The following LMO3 variants were observed in gnomAD, a reference collection of about 807,000 sequenced individuals.
LMO3 encodes the protein LIM domain only protein 3.
Under a neutral mutation model 15.8 loss-of-function variants are expected in LMO3, and 2 were observed. The ratio of observed to expected loss-of-function variants is 0.13; its 90% confidence interval spans 0.05 to 0.40. The LOEUF (loss-of-function observed/expected upper bound fraction) is 0.40. Ranked by LOEUF, LMO3 falls within the 10% of genes least tolerant of loss-of-function variation. LMO3 has a pLI of 0.99. For missense variants in LMO3, 86 were observed against 182.2 expected (o/e 0.47, Z 3.04); for synonymous variants, 62 against 63.8 (o/e 0.97, Z 0.13).
Position 16,576,318 on chromosome 12 carries a change from G to A in LMO3, c.207-15780C>T. Among the ~76,000 whole-genome samples the A allele has an allele frequency of 6.6e-6, 1 of 152,096 alleles. No individual in the cohort carries two copies. The highest frequency in any genetic ancestry group is 2.1e-4 in the South Asian group (1 of 4,816). ...CTTTTCTGTCTTCTATCCCATCACTGAGCCTCAGCCCCAATGTGCTGTCTA... is the reference window on the plus strand; with the variant it reads ...CTTTTCTGTCTTCTATCCCATCACTAAGCCTCAGCCCCAATGTGCTGTCTA... On this transcript the variant is annotated intron_variant, in intron 2 of 3. Transcript: ENST00000537304. The surrounding 1 kb of genome is among the most constrained non-coding windows in gnomAD (Gnocchi z 4.1).
At chr12:16,607,002 A>G (rs1229829570), upstream of LMO3, 1 of 152,266 alleles carries the variant, frequency 6.6e-6, no homozygotes, top group Non-Finnish European at 1.5e-5. Flanking sequence ...AACTGCTACC[A>G]GAATACCCTG....
chr12:16,590,277 G>A (rs1477605978), intron 2 of LMO3, among the ~76,000 whole-genome samples: 1 of 152,044 alleles, frequency 6.6e-6, no homozygotes, highest in Non-Finnish European at 1.5e-5. Flanking sequence ...GGTTAGGTTA[G>A]TGGTGAGAAA....
intron 2 of LMO3, among the ~76,000 whole-genome samples, chr12:16,567,038 T>C (rs1266211142): frequency 6.6e-6 from 1 of 152,052 alleles, no homozygotes; most frequent in Non-Finnish European, 1.5e-5. Context: ...CTACTAAAAA[T>C]ATGAAAAATT....
chr12:16,590,450 C>G (rs552670078), intron 2 of LMO3, among the ~76,000 whole-genome samples: 5 of 151,756 alleles, frequency 3.3e-5, no homozygotes, highest in Non-Finnish European at 7.4e-5. Context: ...TGTTTTGTAA[C>G]TATAAGATAA....
chr12:16,563,785 A>G (rs2137361651), intron 2 of LMO3, among the ~76,000 whole-genome samples: 1 of 152,314 alleles, frequency 6.6e-6, no homozygotes, highest in African/African-American at 2.4e-5. Flanking sequence ...AGTCATTTTG[A>G]AATTTTGATC....
At chr12:16,606,001 C>T in intron 1 of LMO3, 65 bp downstream of exon 1, 1 of 616,368 alleles carries the variant, frequency 1.6e-6, no homozygotes, top group Admixed American at 2.8e-5. Context: ...CACACGCACG[C>T]GCGCACCCGC....
rs1320674658 is a variant in LMO3, at chr12:16,550,650, T to A, written c.*572A>T. On this transcript the variant is annotated 3_prime_UTR_variant, in exon 4 of 4. Transcript: ENST00000537304. ...ACTCATAGCGGCAATAAGTAGTGGA[T>A]GTCACTAAAATGCTCTGTGTGTGTC... 1 of 152,374 alleles carries A rather than the reference T, an allele frequency of 6.6e-6. No homozygotes were observed. Among genetic ancestry groups the A allele is most frequent in the Non-Finnish European group, 1.5e-5 (1 of 67,926 alleles). The allele number at this position is 152,374 out of a possible 1,614,324, so 9.4% of individuals were successfully genotyped here.
In LMO3 at chr12:16,576,585, G is replaced by A. The variant is rs139805339; in HGVS notation, c.207-16047C>T. 1.2e-3 allele frequency among the ~76,000 whole-genome samples: 178 copies of A among 152,132 alleles called. 1 individual carries two copies. The Middle Eastern group carries it at 0.014, about 12-fold the overall frequency. ...ATCTTTCAGAATCTGTATCAGTTAC[G>A]TACCTGTTTGTCTCTTTCTCACTAC... On this transcript the variant is annotated intron_variant, in intron 2 of 3. Transcript: ENST00000537304. The surrounding 1 kb of genome is among the most constrained non-coding windows in gnomAD (Gnocchi z 4.1).
At chr12:16,570,507 G>C (rs1378145931) in intron 2 of LMO3, among the ~76,000 whole-genome samples, 2 of 151,966 alleles carry the variant, frequency 1.3e-5, no homozygotes, top group Non-Finnish European at 2.9e-5. Context: ...AAATGATCAT[G>C]GTCATTTTGT....
intron 2 of LMO3, chr12:16,594,071 A>G: frequency 7.0e-7 from 1 of 1,427,316 alleles, no homozygotes; most frequent in Non-Finnish European, 9.5e-7. Flanking sequence ...GATGAGTGCT[A>G]TAGTTTGCAA....
chr12:16,577,560 A>T (rs976912502), intron 2 of LMO3, among the ~76,000 whole-genome samples: 2 of 152,196 alleles, frequency 1.3e-5, no homozygotes, highest in African/African-American at 4.8e-5. Flanking sequence ...GATGTTGTAT[A>T]TAATAAAACA....
Position 16,604,785 on chromosome 12 carries a change from G to T in LMO3, c.-9+1281C>A. On this transcript the variant is annotated intron_variant, in intron 1 of 3. Coordinates refer to ENST00000537304, the MANE Select transcript of LMO3 (RefSeq NM_018640.5). This position sits in a 1 kb window ranked among gnomAD's most constrained non-coding sequence, Gnocchi z 5.3. Reference sequence around the variant, plus strand: ...GTTCTTTCAGAAAGACACAAAAGCAGCGGAAAAGCAGAAAGGCTTTTGAGC... The same window carrying T: ...GTTCTTTCAGAAAGACACAAAAGCATCGGAAAAGCAGAAAGGCTTTTGAGC... 1.4e-6 allele frequency: 2 copies of T among 1,454,182 alleles called. No homozygotes were observed. Among genetic ancestry groups the T allele is most frequent in the Non-Finnish European group, 1.9e-6 (2 of 1,051,778 alleles). 90.1% of individuals were successfully genotyped at this position (1,454,182 alleles called of 1,614,324 possible).
At position 16,582,452 on chromosome 12, in the gene LMO3, A is replaced by G. The variant is rs1447363049; in HGVS notation, c.206+18203T>C. Reference sequence around the variant, plus strand: ...TATTTTATATTGTCTTTATCAGGTCAAGGTACTGTATTAGAGTTATGTTAG... The same window carrying G: ...TATTTTATATTGTCTTTATCAGGTCGAGGTACTGTATTAGAGTTATGTTAG... On this transcript the variant is annotated intron_variant, in intron 2 of 3. Transcript: ENST00000537304. The surrounding 1 kb of genome is among the most constrained non-coding windows in gnomAD (Gnocchi z 4.1). Among the ~76,000 whole-genome samples the G allele has an allele frequency of 6.6e-6, 1 of 152,166 alleles. No homozygotes were observed. Among genetic ancestry groups the G allele is most frequent in the African/African-American group, 2.4e-5 (1 of 41,442 alleles).
chr12:16,600,007 A>G (rs1003471377), intron 2 of LMO3: 1 of 152,170 alleles, frequency 6.6e-6, no homozygotes, highest in Non-Finnish European at 1.5e-5. Flanking sequence ...GGCGAGAGGA[A>G]GATGTATCTA....
chr12:16,587,618 T>A lies in LMO3; in HGVS notation c.206+13037A>T, dbSNP rs902547257. Among the ~76,000 whole-genome samples, 1 of 152,112 alleles carries A rather than the reference T, an allele frequency of 6.6e-6. No individual in the cohort carries two copies. The highest frequency in any genetic ancestry group is 6.6e-5 in the Admixed American group (1 of 15,256). On this transcript the variant is annotated intron_variant, in intron 2 of 3. Coordinates refer to ENST00000537304, the MANE Select transcript of LMO3 (RefSeq NM_018640.5). The surrounding 1 kb of genome is among the most constrained non-coding windows in gnomAD (Gnocchi z 4.3). ...AATTGTATTTCTGTCAGTGTATCATTTTTTTAAGCAATGGACCCTATAATA... is the reference window on the plus strand; with the variant it reads ...AATTGTATTTCTGTCAGTGTATCATATTTTTAAGCAATGGACCCTATAATA...
At chr12:16,607,774 C>T (rs1944049455), upstream of LMO3, 2 of 150,564 alleles carry the variant, frequency 1.3e-5, no homozygotes, top group South Asian at 2.1e-4. Flanking sequence ...ATCAAAGCAC[C>T]CCCCCCATGA....
At position 16,584,353 on chromosome 12, in the gene LMO3, G is replaced by A. The variant is rs545529901; in HGVS notation, c.206+16302C>T. Among the ~76,000 whole-genome samples, 74 of 152,250 alleles carry A rather than the reference G, an allele frequency of 4.9e-4. No individual in the cohort carries two copies. Among genetic ancestry groups the A allele is most frequent in the African/African-American group, 1.7e-3 (72 of 41,538 alleles). On this transcript the variant is annotated intron_variant, in intron 2 of 3. Transcript: ENST00000537304. This position sits in a 1 kb window ranked among gnomAD's most constrained non-coding sequence, Gnocchi z 5.2. ...AAAGAAAAGTTGCCTCCTTAAAGGAGAGGCAAGTTTCAGGTAAGGCAACAG... is the reference window on the plus strand; with the variant it reads ...AAAGAAAAGTTGCCTCCTTAAAGGAAAGGCAAGTTTCAGGTAAGGCAACAG...
At chr12:16,574,136 A>G (rs1942917951) in intron 2 of LMO3, among the ~76,000 whole-genome samples, 1 of 152,154 alleles carries the variant, frequency 6.6e-6, no homozygotes, top group Non-Finnish European at 1.5e-5. Context: ...CCATTATAAA[A>G]ATGCAACACC....
chr12:16,595,298 G>T (rs1354344818), intron 2 of LMO3, among the ~76,000 whole-genome samples: 4 of 151,262 alleles, frequency 2.6e-5, no homozygotes, highest in Non-Finnish European at 5.9e-5. Flanking sequence ...TATATTATTG[G>T]TAAATACTCA....
Sources: gnomAD v4.1 joint callset for allele counts (sites outside exome capture counted in the v4.1 genomes callset) on GRCh38, gnomAD v4.1.1 for gene constraint, Gnocchi (gnomAD v3.1) non-coding constraint, MANE v1.5 for transcripts, NCBI Gene and HGNC (gene_info 2026-07-23, HGNC 2026-07-21) for gene names.